Variants in IGFL2 observed in about 807,000 individuals in gnomAD.
IGFL2 encodes the protein IGF like family member 2.
Under a neutral mutation model 13.9 loss-of-function variants are expected in IGFL2, and 7 were observed. That is an observed-to-expected ratio of 0.51 (90% CI 0.29 to 0.95). IGFL2 has a LOEUF of 0.95. Ranked by LOEUF, IGFL2 falls within the 40% of genes least tolerant of loss-of-function variation. IGFL2 has a pLI of 0.08. For synonymous variants in IGFL2, 55 were observed against 55.8 expected (o/e 0.99, Z 0.07); for missense variants, 138 against 147.8 (o/e 0.93, Z 0.34).
chr19:46,188,381 T>TTAA, the IGFL2 span, among the ~76,000 whole-genome samples: 3 of 152,054 alleles, frequency 2.0e-5, no homozygotes, highest in Non-Finnish European at 4.4e-5. Flanking sequence ...GAAAGGTCCA[T>TTAA]CCCCAGCCAC....
the IGFL2 span, among the ~76,000 whole-genome samples, chr19:46,134,837 A>G: frequency 6.6e-6 from 1 of 152,134 alleles, no homozygotes. Context: ...GTACCAGTCC[A>G]TGGCCTGTGG....
At position 46,160,221 on chromosome 19, in the gene IGFL2, G is replaced by A. The variant is rs77381427; in HGVS notation, c.20-194G>A. The A allele has an allele frequency of 1.8e-3, 1,071 of 599,896 alleles. 8 individuals carry two copies. The highest frequency in any genetic ancestry group is 0.018 in the African/African-American group (953 of 53,886). 37.2% of individuals were successfully genotyped at this position (599,896 alleles called of 1,614,324 possible). A position where few individuals can be genotyped will look rare whatever the true frequency, so the allele number is the denominator to read the frequency against. On this transcript the variant is annotated intron_variant, in intron 1 of 3. Coordinates refer to ENST00000377693, the MANE Select transcript of IGFL2 (RefSeq NM_001135113.2). ...TTCCCTGCATTCTCTTTCCTAGAAG[G>A]GTCCATGCTTCTCTGGCCCTGCTGT...
the IGFL2 span, among the ~76,000 whole-genome samples, chr19:46,191,517 C>T: frequency 6.6e-6 from 1 of 152,118 alleles, no homozygotes; most frequent in Non-Finnish European, 1.5e-5. Flanking sequence ...TAGGTGCATC[C>T]TGGGAAAGAA....
At chr19:46,161,300 C>A, downstream of IGFL2, 1 of 448,800 alleles carries the variant, frequency 2.2e-6, no homozygotes, top group Non-Finnish European at 3.9e-6. Context: ...CACACCTGTA[C>A]CCAATGTCGT....
At chr19:46,193,996 G>A in the IGFL2 span, among the ~76,000 whole-genome samples, 1 of 152,128 alleles carries the variant, frequency 6.6e-6, no homozygotes, top group Non-Finnish European at 1.5e-5. Flanking sequence ...GAAACTTTGC[G>A]GTCATCAGAC....
the IGFL2 span, among the ~76,000 whole-genome samples, chr19:46,175,318 C>T: frequency 1.3e-5 from 2 of 152,080 alleles, no homozygotes; most frequent in Non-Finnish European, 2.9e-5. Context: ...AAGCAGCTGA[C>T]TCAGGACTAC....
At chr19:46,159,969 A>G (rs1206402422) in intron 1 of IGFL2, 1 of 201,708 alleles carries the variant, frequency 5.0e-6, no homozygotes, top group Non-Finnish European at 1.0e-5. Flanking sequence ...CCCTGTCTCA[A>G]AAAACAAAAA....
At chr19:46,138,850 T>G (rs1428804890), upstream of IGFL2, among the ~76,000 whole-genome samples, 1 of 151,948 alleles carries the variant, frequency 6.6e-6, no homozygotes, top group Non-Finnish European at 1.5e-5. Flanking sequence ...GGTCTGACAG[T>G]CAAGAAAGGC....
At chr19:46,191,801 C>G in the IGFL2 span, among the ~76,000 whole-genome samples, 4 of 152,134 alleles carry the variant, frequency 2.6e-5, no homozygotes, top group African/African-American at 7.2e-5. Context: ...TATTAGCTCT[C>G]TTCTCCCCCC....
chr19:46,121,846 C>CT, the IGFL2 span, among the ~76,000 whole-genome samples: 3 of 150,946 alleles, frequency 2.0e-5, 1 homozygote, highest in Non-Finnish European at 4.4e-5. Flanking sequence ...GGTGCTTGTG[C>CT]TGGAGAGAGC....
the IGFL2 span, chr19:46,180,687 A>C: frequency 6.6e-6 from 1 of 152,228 alleles, no homozygotes; most frequent in Non-Finnish European, 1.5e-5. Context: ...TGAGTCCCAA[A>C]ACCTGAAAAA....
the IGFL2 span, among the ~76,000 whole-genome samples, chr19:46,134,218 CT>C: frequency 6.6e-6 from 1 of 152,082 alleles, no homozygotes; most frequent in Non-Finnish European, 1.5e-5. Context: ...TCTTGGGATT[CT>C]TTAAGTAAAA....
the IGFL2 span, among the ~76,000 whole-genome samples, chr19:46,181,047 G>A: frequency 1.3e-5 from 2 of 152,116 alleles, no homozygotes; most frequent in Non-Finnish European, 2.9e-5. Flanking sequence ...TTGCATTCTT[G>A]TATTCAATCA....
chr19:46,172,935 C>T, the IGFL2 span, among the ~76,000 whole-genome samples: 5 of 152,142 alleles, frequency 3.3e-5, no homozygotes, highest in African/African-American at 4.8e-5. Flanking sequence ...TCAGTGCCTT[C>T]ATACCCCTCT....
the IGFL2 span, among the ~76,000 whole-genome samples, chr19:46,102,090 A>G: frequency 6.6e-6 from 1 of 152,122 alleles, no homozygotes; most frequent in African/African-American, 2.4e-5. Flanking sequence ...CAAAGAAGTA[A>G]ATTTTCCCTG....
chr19:46,182,482 A>G, the IGFL2 span, among the ~76,000 whole-genome samples: 4 of 151,906 alleles, frequency 2.6e-5, no homozygotes, highest in African/African-American at 4.8e-5. Context: ...TCTTAACATA[A>G]TTTCTATTTG....
chr19:46,101,624 C>T, the IGFL2 span, among the ~76,000 whole-genome samples: 2 of 152,254 alleles, frequency 1.3e-5, no homozygotes, highest in Non-Finnish European at 2.9e-5. Flanking sequence ...GTTGCCCTTC[C>T]CCAGTGGGGG....
At chr19:46,079,493 A>C in the IGFL2 span, among the ~76,000 whole-genome samples, 2 of 152,102 alleles carry the variant, frequency 1.3e-5, no homozygotes, top group African/African-American at 2.4e-5. Context: ...TTGCACCCCT[A>C]TAGCCCGAAT....
At chr19:46,197,496 C>G in the IGFL2 span, among the ~76,000 whole-genome samples, 8 of 152,194 alleles carry the variant, frequency 5.3e-5, no homozygotes, top group African/African-American at 1.9e-4. Context: ...CCTCCTGGCT[C>G]TCCTGTCCTC....
Sources: gnomAD v4.1 joint callset for allele counts (sites outside exome capture counted in the v4.1 genomes callset) on GRCh38, gnomAD v4.1.1 for gene constraint, MANE v1.5 for transcripts, NCBI Gene and HGNC (gene_info 2026-07-23, HGNC 2026-07-21) for gene names.